SREBF2: variants seen among roughly 807,000 people sequenced by gnomAD.
SREBF2 encodes the protein sterol regulatory element-binding protein 2.
SREBF2 carries 55 observed loss-of-function variants against 113.1 expected under a neutral mutation model. The ratio of observed to expected loss-of-function variants is 0.49; its 90% CI spans 0.39 to 0.61. The LOEUF (loss-of-function observed/expected upper bound fraction) is 0.61. SREBF2 is among the 20% of genes least tolerant of loss of function. The pLI, the probability that SREBF2 is intolerant of heterozygous loss-of-function variation, is 0.00. For missense variants in SREBF2, 1,349 were observed against 1,487.4 expected (o/e 0.91, Z 1.53); for synonymous variants, 593 against 605.7 (o/e 0.98, Z 0.31).
At chr22:41,903,908 C>A (rs927229555) in intron 17 of SREBF2, among the ~76,000 whole-genome samples, 2 of 152,198 alleles carry the variant, frequency 1.3e-5, no homozygotes, top group Non-Finnish European at 2.9e-5. Flanking sequence ...AAGACAGACA[C>A]AACAGACAGT....
At chr22:41,857,721 A>G (rs1399165122) in intron 1 of SREBF2, among the ~76,000 whole-genome samples, 1 of 152,196 alleles carries the variant, frequency 6.6e-6, no homozygotes, top group Non-Finnish European at 1.5e-5. Flanking sequence ...GACTCTTCGC[A>G]GGAAGGTGAC....
chr22:41,885,066 G>A (rs576063897), intron 11 of SREBF2, 55 bp downstream of exon 11: 2 of 1,602,552 alleles, frequency 1.2e-6, no homozygotes, highest in South Asian at 2.2e-5. Context: ...TACCTAGCCA[G>A]GAGTTAAGAT....
Position 41,898,708 on chromosome 22 carries a change from C to T in SREBF2, c.2665C>T (p.Gln889Ter). 6.2e-7 allele frequency: 1 copy of T among 1,614,124 alleles called. No individual in the cohort carries two copies. Among genetic ancestry groups the T allele is most frequent in the East Asian group, 2.2e-5 (1 of 44,882 alleles). Residue 889 changes from glutamine to a stop codon, truncating the protein, a stop_gained, in exon 15 of 19, where the codon CAG becomes TAG. Transcript: ENST00000361204. LOFTEE classifies it high-confidence loss of function. ...SAITVAISWL[Q>*]GDDAAVRSHF... The stretch of plus-strand genomic sequence containing the variant: ...AATCACTGTGGCCATCAGCTGGCTC[C>T]AGGGAGACGATGCAGCTGTGCGCTC...
rs556766958 is a variant in SREBF2, at chr22:41,905,372, G to T, written c.3206-68G>T. Reference sequence around the variant, plus strand: ...GTGAGCGTTCAGTGAATGAGTCCAGGTAACGCCAAGGAACTGCACCAACTT... The same window carrying T: ...GTGAGCGTTCAGTGAATGAGTCCAGTTAACGCCAAGGAACTGCACCAACTT... On this transcript the variant is annotated intron_variant, in intron 18 of 18. Coordinates refer to ENST00000361204, the MANE Select transcript of SREBF2 (RefSeq NM_004599.4). 1.4e-5 allele frequency: 20 copies of T among 1,430,656 alleles called. No homozygotes were observed. In the African/African-American group the frequency reaches 2.8e-4, roughly 20 times the overall value. The allele number at this position is 1,430,656 out of a possible 1,614,324, so 88.6% of individuals were successfully genotyped here.
At chr22:41,886,818 G>A (rs1160165457) in intron 11 of SREBF2, among the ~76,000 whole-genome samples, 1 of 152,232 alleles carries the variant, frequency 6.6e-6, no homozygotes, top group Non-Finnish European at 1.5e-5. Flanking sequence ...CAGATCACCT[G>A]AGGTCAGGAG....
At chr22:41,884,784 G>C in intron 10 of SREBF2, 58 bp from the exon 11 acceptor site, 1 of 1,600,328 alleles carries the variant, frequency 6.2e-7, no homozygotes, top group South Asian at 1.1e-5. Context: ...GGAGAGAGCA[G>C]GAAAAAGTTT....
intron 11 of SREBF2, among the ~76,000 whole-genome samples, chr22:41,892,232 T>C (rs1418902797): frequency 1.3e-5 from 2 of 152,244 alleles, no homozygotes; most frequent in Admixed American, 1.3e-4. Flanking sequence ...CCATCTGATG[T>C]GACCCTGACG....
intron 11 of SREBF2, among the ~76,000 whole-genome samples, chr22:41,891,671 G>A (rs563831971): frequency 1.1e-4 from 16 of 152,342 alleles, no homozygotes; most frequent in East Asian, 5.8e-4. Context: ...ATGAAACAGC[G>A]CTGCTCCTGT....
At chr22:41,876,086 T>C (rs1458912162) in intron 7 of SREBF2, among the ~76,000 whole-genome samples, 3 of 152,200 alleles carry the variant, frequency 2.0e-5, no homozygotes, top group Non-Finnish European at 4.4e-5. Flanking sequence ...GGGAGGCTGA[T>C]CAGTTGGTTT....
intron 1 of SREBF2, among the ~76,000 whole-genome samples, chr22:41,838,172 G>C (rs1021546650): frequency 1.3e-5 from 2 of 152,202 alleles, no homozygotes; most frequent in Non-Finnish European, 2.9e-5. Context: ...CAGTCATGGA[G>C]GTGACCTTTT....
intron 13 of SREBF2, among the ~76,000 whole-genome samples, chr22:41,895,985 C>CA (rs1390292893): frequency 1.2e-4 from 18 of 151,712 alleles, no homozygotes; most frequent in Admixed American, 9.8e-4. Flanking sequence ...ACTAAAAATA[C>CA]AAAAAATTAG....
Position 41,846,660 on chromosome 22 carries a change from T to C in SREBF2, c.88+13302T>C, listed in dbSNP as rs565526199. 2.6e-5 allele frequency among the ~76,000 whole-genome samples: 4 copies of C among 152,350 alleles called. No homozygotes were observed. The South Asian group carries it at 8.3e-4, about 32-fold the overall frequency. On this transcript the variant is annotated intron_variant, in intron 1 of 18. Transcript: ENST00000361204. ...CATCTCTCCATTTTGCACCGTGCTG[T>C]CTCTACTTCAGCAGCTGGCAGGACA...
chr22:41,842,554 A>G (rs2076839823), intron 1 of SREBF2, among the ~76,000 whole-genome samples: 1 of 152,258 alleles, frequency 6.6e-6, no homozygotes, highest in South Asian at 2.1e-4. Context: ...ATTAAAAACA[A>G]TGCTGCGAAT....
At chr22:41,856,890 C>G (rs55834311) in intron 1 of SREBF2, among the ~76,000 whole-genome samples, 19,885 of 151,856 alleles carry the variant, frequency 0.13, 1,804 homozygotes, top group Admixed American at 0.31. Context: ...GCCTGGCCAA[C>G]ACGAAGTCTC....
intron 12 of SREBF2, among the ~76,000 whole-genome samples, chr22:41,893,558 C>G (rs1243622519): frequency 6.6e-6 from 1 of 152,164 alleles, no homozygotes; most frequent in African/African-American, 2.4e-5. Flanking sequence ...TTACATCACA[C>G]AGCAATAAAT....
intron 1 of SREBF2, among the ~76,000 whole-genome samples, chr22:41,865,258 T>C (rs530482021): frequency 7.9e-5 from 12 of 151,922 alleles, no homozygotes; most frequent in African/African-American, 2.9e-4. Flanking sequence ...GGTGTGGTGG[T>C]TTTTGTTGTT....
intron 15 of SREBF2, 24 bp downstream of exon 15, chr22:41,898,805 C>T (rs763317126): frequency 1.6e-5 from 26 of 1,613,052 alleles, no homozygotes; most frequent in Non-Finnish European, 2.1e-5. Context: ...CTTGGCCACT[C>T]ACTTGCTTCT....
rs1398477143 is a variant in SREBF2 at position 41,905,661 on chromosome 22, C to A, written c.*1C>A. On this transcript the variant is annotated 3_prime_UTR_variant, in exon 19 of 19. Coordinates refer to ENST00000361204, the MANE Select transcript of SREBF2 (RefSeq NM_004599.4). The stretch of plus-strand genomic sequence containing the variant: ...TGGCACTGCCATTGCCGCCTCCTGA[C>A]CACCAGGCTCAGCCCACCCCTCCAC... 2 of 1,572,678 alleles carry A rather than the reference C, an allele frequency of 1.3e-6. No homozygotes were observed. Among genetic ancestry groups the A allele is most frequent in the Non-Finnish European group, 1.7e-6 (2 of 1,159,564 alleles).
chr22:41,903,046 A>C lies in SREBF2; in HGVS notation c.2984A>C (p.Gln995Pro). 5.6e-6 allele frequency: 9 copies of C among 1,608,514 alleles called. No individual in the cohort carries two copies. The highest frequency in any genetic ancestry group is 7.6e-6 in the Non-Finnish European group (9 of 1,177,780). ...TGGCAAAAACAGGCCAGTGCCAGCC[A>C]GGCTGTGGGGGAGACCTACCACGCG... ...ALWQKQASAS[Q>P]AVGETYHASG... The change falls in exon 17 of 19, where the codon CAG becomes CCG. Residue 995 changes from glutamine (Q) to proline (P), a missense_variant. This residue lies in a region of SREBF2 where 650 missense variants were observed against 644.1 expected (regional missense o/e 1.01). Transcript: ENST00000361204.
Sources: allele counts gnomAD v4.1 joint callset (sites outside exome capture counted in the v4.1 genomes callset), GRCh38; gene constraint gnomAD v4.1.1; regional missense constraint gnomAD v4.1.1; transcripts MANE v1.5; gene names NCBI Gene and HGNC (gene_info 2026-07-23, HGNC 2026-07-21).